The following ENO4 variants were observed in gnomAD, a reference collection of about 807,000 sequenced individuals.
ENO4 encodes enolase 4, also known as 2-phospho-D-glycerate hydro-lyase.
In ENO4, 53 loss-of-function variants were observed where a neutral mutation model predicts 63.2. The ratio of observed to expected loss-of-function variants is 0.84; its 90% CI spans 0.67 to 1.05. The LOEUF is 1.05. Ranked by LOEUF, ENO4 falls within the 50% of genes least tolerant of loss-of-function variation. The pLI, the probability that ENO4 is intolerant of heterozygous loss-of-function variation, is 0.00. For synonymous variants in ENO4, 266 were observed against 283.8 expected, an observed-to-expected ratio of 0.94 and a Z score of 0.63; for missense variants, 719 against 772.0, an observed-to-expected ratio of 0.93 and a Z score of 0.81.
chr10:116,851,747 C>T (rs929989891), intron 1 of ENO4, among the ~76,000 whole-genome samples: 3 of 151,926 alleles, frequency 2.0e-5, no homozygotes, highest in African/African-American at 7.3e-5. Context: ...AGGCGCATCT[C>T]CCACTCCCTG....
rs766286587 is a variant in ENO4, at chr10:116,879,871, T to G, written c.1608T>G (p.Ala536=). The change falls in exon 13 of 14, where the codon GCT becomes GCG. Residue 536 remains alanine (A), a splice_region_variant and synonymous_variant. Transcript: ENST00000341276. ...ESSDDSLVDL[A]VGLGVRFIKL... ...ATTAGTTTTTTCCCCCCTTTCAGGC[T>G]GTTGGGCTTGGTGTCCGGTTCATCA... 8 of 1,549,728 alleles carry G rather than the reference T, an allele frequency of 5.2e-6. No homozygotes were observed. In the African/African-American group the frequency reaches 1.1e-4, roughly 21 times the overall value.
intron 7 of ENO4, among the ~76,000 whole-genome samples, chr10:116,863,758 C>T (rs1217066604): frequency 6.6e-6 from 1 of 152,144 alleles, no homozygotes; most frequent in African/African-American, 2.4e-5. Flanking sequence ...TCCCCTGCCG[C>T]GATGGTGGTT....
At chr10:116,899,546 TGA>T (rs59129110) in intron 10 of ENO4, among the ~76,000 whole-genome samples, 9,067 of 123,768 alleles carry the variant, frequency 0.073, 346 homozygotes, top group African/African-American at 0.079. Flanking sequence ...TGTGTGTGTG[TGA>T]GAGAGTGCAT....
At chr10:116,894,007 G>A (rs890548816) in intron 10 of ENO4, among the ~76,000 whole-genome samples, 3 of 152,106 alleles carry the variant, frequency 2.0e-5, no homozygotes, top group African/African-American at 7.2e-5. Context: ...CAGAAATACT[G>A]AATGAAGAGA....
In ENO4 at chr10:116,879,341, G is replaced by T. The variant is rs771351604; in HGVS notation, c.1588G>T (p.Asp530Tyr). The change falls in exon 12 of 14, where the codon GAC (aspartate) becomes TAC (tyrosine). Residue 530 changes from aspartate (D) to tyrosine (Y), a missense_variant. Around this residue, in one of 3 missense-constraint regions of ENO4, gnomAD observed 168 missense variants for 163.3 expected, o/e 1.03. Transcript: ENST00000341276. ...AAGTACAGAAGGAGAATCATCTGATGACAGCCTTGTCGATTTGGTAAGTGC... is the reference window on the plus strand; with the variant it reads ...AAGTACAGAAGGAGAATCATCTGATTACAGCCTTGTCGATTTGGTAAGTGC... ...FGSTEGESSD[D>Y]SLVDLAVGLG... 6.5e-7 allele frequency: 1 copy of T among 1,550,266 alleles called. No individual in the cohort carries two copies.
At position 116,849,751 on chromosome 10, in the gene ENO4, G is replaced by GCTCTCCTCCCGCCAACCC. The variant is rs1564841069; in HGVS notation, c.165+27_165+44dup. On this transcript the variant is annotated intron_variant, in intron 1 of 13. Transcript: ENST00000341276. ...CACCTGGTAGGGACCTGGGACAAGC[G>GCTCTCCTCCCGCCAACCC]CTCTCCTCCCGCCAACCCCTCTCCC... is the stretch of plus-strand genomic sequence containing the variant. 6.0e-6 allele frequency: 9 copies of GCTCTCCTCCCGCCAACCC among 1,487,954 alleles called. No individual in the cohort carries two copies. The highest frequency in any genetic ancestry group is 6.3e-6 in the Non-Finnish European group (7 of 1,115,000). 92.2% of individuals were successfully genotyped at this position (1,487,954 alleles called of 1,614,324 possible). A position where few individuals can be genotyped will look rare whatever the true frequency, so the allele number is the denominator to read the frequency against.
chr10:116,906,641 T>G, intron 10 of ENO4: 1 of 1,612,422 alleles, frequency 6.2e-7, no homozygotes, highest in Non-Finnish European at 8.5e-7. Context: ...GCTATCTGCT[T>G]CTGCTGTCAC....
At chr10:116,892,939 A>G (rs940750987) in intron 10 of ENO4, among the ~76,000 whole-genome samples, 1 of 152,236 alleles carries the variant, frequency 6.6e-6, no homozygotes, top group Non-Finnish European at 1.5e-5. Context: ...CTATGCAGAA[A>G]TGGTATATTT....
chr10:116,911,537 C>A, exon 11 of ENO4: 1 of 1,550,536 alleles, frequency 6.4e-7, no homozygotes, highest in South Asian at 1.2e-5. Flanking sequence ...GATTGGAGGG[C>A]AAGAACAGGA....
chr10:116,866,244 C>T (rs532549453), intron 7 of ENO4, among the ~76,000 whole-genome samples: 10 of 152,290 alleles, frequency 6.6e-5, no homozygotes, highest in Middle Eastern at 3.4e-3. Context: ...TGGTGTTACA[C>T]GTTTGGAAGC....
intron 10 of ENO4, chr10:116,906,634 A>G (rs1487508920): frequency 3.7e-6 from 6 of 1,612,078 alleles, no homozygotes; most frequent in Non-Finnish European, 4.2e-6. Context: ...TACTACTGCT[A>G]TCTGCTTCTG....
intron 3 of ENO4, 27 bp downstream of exon 3, chr10:116,856,709 C>T: frequency 6.7e-7 from 1 of 1,487,956 alleles, no homozygotes; most frequent in East Asian, 2.5e-5. Flanking sequence ...GAAATATAAA[C>T]ATCAAGTACA....
At chr10:116,872,651 TAGC>T (rs1202460085) in intron 9 of ENO4, among the ~76,000 whole-genome samples, 1 of 152,184 alleles carries the variant, frequency 6.6e-6, no homozygotes, top group Non-Finnish European at 1.5e-5. Flanking sequence ...ATGTCTTTAT[TAGC>T]AGCATGAGAA....
intron 1 of ENO4, among the ~76,000 whole-genome samples, chr10:116,853,506 A>G (rs1319515420): frequency 6.6e-6 from 1 of 152,122 alleles, no homozygotes; most frequent in Non-Finnish European, 1.5e-5. Context: ...AATTTATAGA[A>G]TCCTATATAT....
intron 10 of ENO4, among the ~76,000 whole-genome samples, chr10:116,891,186 C>T (rs1270752689): frequency 2.0e-5 from 3 of 152,172 alleles, no homozygotes; most frequent in Admixed American, 2.0e-4. Flanking sequence ...AGTGAATGAA[C>T]TTTTAAGCGG....
In ENO4 at chr10:116,858,999, C is replaced by T. The variant is rs995718247; in HGVS notation, c.495C>T (p.Phe165=). ...AEVDHLLRIF[F]ASKVQEDKGR... ...TTTTCTTGCTATTAAGGATATTCTT[C>T]GCAAGTAAAGTACAAGAAGATAAGG... The change falls in exon 4 of 14, where the codon TTC becomes TTT. Residue 165 remains phenylalanine (F), a synonymous_variant. Transcript: ENST00000341276. 35 of 1,532,640 alleles carry T rather than the reference C, an allele frequency of 2.3e-5. No individual in the cohort carries two copies. The highest frequency in any genetic ancestry group is 1.7e-4 in the Middle Eastern group (1 of 5,892). The allele number at this position is 1,532,640 out of a possible 1,614,324, so 94.9% of individuals were successfully genotyped here.
At chr10:116,867,079 G>A (rs145909516) in intron 7 of ENO4, among the ~76,000 whole-genome samples, 9 of 152,220 alleles carry the variant, frequency 5.9e-5, no homozygotes, top group East Asian at 5.8e-4. Context: ...CTAAAGCCAC[G>A]GTCTTAAAAC....
At chr10:116,911,977 CTA>C, downstream of ENO4, 1 of 681,054 alleles carries the variant, frequency 1.5e-6, no homozygotes, top group South Asian at 2.0e-5. Flanking sequence ...TAAATTAGGA[CTA>C]TGTCTTAAGG....
In ENO4 at chr10:116,876,074, C is replaced by T. The variant is rs905063702; in HGVS notation, c.1351C>T (p.Gln451Ter). Residue 451 changes from glutamine (Q) to a stop codon, truncating the protein, a stop_gained, in exon 11 of 14, where the codon CAG (glutamine) becomes TAG (stop). Coordinates refer to ENST00000341276, the MANE Select transcript of ENO4 (RefSeq NM_001242699.2). LOFTEE classifies it high-confidence loss of function. Reference protein sequence around the residue: ...IDPFRKEDSEQWDSIYHALGS... With the variant: ...IDPFRKEDSE ...TTAAATATTTACCCAGGACTCTGAA[C>T]AGTGGGACAGCATCTATCACGCACT... 1 of 1,542,108 alleles carries T rather than the reference C, an allele frequency of 6.5e-7. No homozygotes were observed. The highest frequency in any genetic ancestry group is 8.7e-7 in the Non-Finnish European group (1 of 1,143,838).
Sources: allele counts gnomAD v4.1 joint callset (sites outside exome capture counted in the v4.1 genomes callset), GRCh38; gene constraint gnomAD v4.1.1; regional missense constraint gnomAD v4.1.1; transcripts MANE v1.5; gene names NCBI Gene and HGNC (gene_info 2026-07-23, HGNC 2026-07-21).